The following SLX4 variants were observed in gnomAD, a reference collection of about 807,000 sequenced individuals.
The protein encoded by SLX4 is structure-specific endonuclease subunit SLX4.
In SLX4, 112 loss-of-function variants were observed where a neutral mutation model predicts 146.2. The ratio of observed to expected loss-of-function variants is 0.77; its 90% CI spans 0.66 to 0.90. SLX4 has a LOEUF of 0.90. Among genes scored for constraint, SLX4 ranks in the 40% least tolerant of loss-of-function variants. SLX4 has a pLI of 0.00. For synonymous variants in SLX4, 1,061 were observed against 997.7 expected, an observed-to-expected ratio of 1.06 and a Z score of -1.20; for missense variants, 2,563 against 2,392.7, an observed-to-expected ratio of 1.07 and a Z score of -1.49.
rs540634044 is a variant in SLX4, at chr16:3,583,303, T to C, written c.4947A>G (p.Thr1649=). 15 of 1,614,160 alleles carry C rather than the reference T, an allele frequency of 9.3e-6. No individual in the cohort carries two copies. Among genetic ancestry groups the C allele is most frequent in the South Asian group, 4.4e-5 (4 of 91,084 alleles). Residue 1649 remains threonine (T), a synonymous_variant, in exon 14 of 15, where the codon ACA becomes ACG. Transcript: ENST00000294008. ...AGVHAQQEAT[T]GPGAHRPKGP... ...CCTTGGGCCTATGGGCCCCAGGTCC[T>C]GTGGTGGCCTCCTGCTGGGCATGGA...
At chr16:3,602,016 G>T in intron 4 of SLX4, 102 bp downstream of exon 4, 1 of 1,348,150 alleles carries the variant, frequency 7.4e-7, no homozygotes, top group Non-Finnish European at 1.1e-6. Context: ...AAGCTGAGGT[G>T]CTGTTGTCAT....
Position 3,582,713 on chromosome 16 carries a change from G to A in SLX4, c.5154-20C>T. 3 of 1,600,986 alleles carry A rather than the reference G, an allele frequency of 1.9e-6. No individual in the cohort carries two copies. The highest frequency in any genetic ancestry group is 2.6e-6 in the Non-Finnish European group (3 of 1,174,290). ...GAAGAACTGAAAAGAGCCAGACCAGGACGTTGTGCAACCCCTTTCTCTCCA... is the reference window on the plus strand; with the variant it reads ...GAAGAACTGAAAAGAGCCAGACCAGAACGTTGTGCAACCCCTTTCTCTCCA... On this transcript the variant is annotated intron_variant, in intron 14 of 14. Transcript: ENST00000294008.
intron 3 of SLX4, among the ~76,000 whole-genome samples, chr16:3,603,335 C>T (rs895101551): frequency 2.0e-5 from 3 of 152,234 alleles, no homozygotes; most frequent in Admixed American, 6.5e-5. Flanking sequence ...TGAGCCACCG[C>T]GTCCAGCCTG....
intron 12 of SLX4, among the ~76,000 whole-genome samples, chr16:3,587,757 G>A (rs887117020): frequency 3.9e-5 from 6 of 152,180 alleles, no homozygotes; most frequent in African/African-American, 1.4e-4. Flanking sequence ...AAGCTCTCCA[G>A]GTGTTTCTGA....
intron 12 of SLX4, among the ~76,000 whole-genome samples, chr16:3,586,543 G>A (rs1169657707): frequency 3.9e-5 from 6 of 152,124 alleles, no homozygotes; most frequent in African/African-American, 1.4e-4. Context: ...AGGCACAGTG[G>A]CTCAGGCTTG....
intron 3 of SLX4, among the ~76,000 whole-genome samples, chr16:3,604,924 A>AT (rs544664658): frequency 0.021 from 2,829 of 133,862 alleles, 36 homozygotes; most frequent in Non-Finnish European, 0.025. Context: ...ATTCATTGTA[A>AT]TTTTTTTTTT....
In SLX4 at chr16:3,582,180, G is replaced by C. The variant is rs1031670484; in HGVS notation, c.*162C>G. 1.6e-6 allele frequency: 1 copy of C among 632,584 alleles called. No individual in the cohort carries two copies. The highest frequency in any genetic ancestry group is 2.8e-6 in the Non-Finnish European group (1 of 360,992). 39.2% of individuals were successfully genotyped at this position (632,584 alleles called of 1,614,324 possible). On this transcript the variant is annotated 3_prime_UTR_variant, in exon 15 of 15. Coordinates refer to ENST00000294008, the MANE Select transcript of SLX4 (RefSeq NM_032444.4). ...AGCAGAGCCCAGAGGAGGAAGCCCT[G>C]GATTGGGCTGTGGTCATCATCACAG...
intron 11 of SLX4, among the ~76,000 whole-genome samples, chr16:3,592,102 G>C (rs1176111871): frequency 6.6e-6 from 1 of 152,268 alleles, no homozygotes; most frequent in Admixed American, 6.5e-5. Flanking sequence ...CTGCTTGAAG[G>C]CTCTGTGGCC....
chr16:3,600,759 C>G (rs1567175410), intron 5 of SLX4: 2 of 512,338 alleles, frequency 3.9e-6, no homozygotes, highest in Non-Finnish European at 7.0e-6. Context: ...TGCCACCATG[C>G]TAATTTTTGT....
At chr16:3,602,801 G>A (rs1242184746) in intron 3 of SLX4, among the ~76,000 whole-genome samples, 2 of 152,148 alleles carry the variant, frequency 1.3e-5, no homozygotes, top group African/African-American at 2.4e-5. Context: ...TAAAACCAGG[G>A]CAGAGTGAAA....
rs375172024 is a variant in SLX4, at chr16:3,589,688, G to A, written c.3950C>T (p.Pro1317Leu). 52 of 1,613,812 alleles carry A rather than the reference G, an allele frequency of 3.2e-5. No homozygotes were observed. The highest frequency in any genetic ancestry group is 4.0e-5 in the African/African-American group (3 of 74,926). Residue 1317 changes from proline to leucine, a missense_variant, in exon 12 of 15, where the codon CCG becomes CTG. Coordinates refer to ENST00000294008, the MANE Select transcript of SLX4 (RefSeq NM_032444.4). The surrounding 1 kb of genome is among the most constrained non-coding windows in gnomAD (Gnocchi z 6.2). ...GAGGCATGAGGACGGTGTCTGGGGC[G>A]GTGGTGTCTGGGGCCTGATGACAGA... ...KFSVIRPQTP[P>L]PQTPSSCLTP...
At chr16:3,604,418 C>G (rs1258665843) in intron 3 of SLX4, among the ~76,000 whole-genome samples, 1 of 152,088 alleles carries the variant, frequency 6.6e-6, no homozygotes. Flanking sequence ...AACTGGACGC[C>G]AGGCACTATT....
intron 5 of SLX4, among the ~76,000 whole-genome samples, chr16:3,600,149 T>C (rs917189050): frequency 1.3e-5 from 2 of 152,178 alleles, no homozygotes; most frequent in South Asian, 4.1e-4. Context: ...GGCTTTAGAT[T>C]TTCATAAGGA....
chr16:3,596,346 T>TG lies in SLX4; in HGVS notation c.1730dup (p.Glu578ArgfsTer103). On this transcript the variant is annotated frameshift_variant, in exon 8 of 15. Coordinates refer to ENST00000294008, the MANE Select transcript of SLX4 (RefSeq NM_032444.4). LOFTEE classifies it high-confidence loss of function. Reference sequence around the variant, plus strand: ...CGGGTGACCTTCGCTCGCTCAGCTCTGAGTGCTCAGGTGGCACCAGAGGCG... The same window carrying TG: ...CGGGTGACCTTCGCTCGCTCAGCTCTGGAGTGCTCAGGTGGCACCAGAGGCG... The TG allele has an allele frequency of 6.3e-7, 1 of 1,597,278 alleles. No individual in the cohort carries two copies. Among genetic ancestry groups the TG allele is most frequent in the Non-Finnish European group, 8.5e-7 (1 of 1,172,374 alleles).
chr16:3,598,085 G>A, intron 5 of SLX4, 86 bp from the exon 6 acceptor site: 1 of 1,519,082 alleles, frequency 6.6e-7, no homozygotes, highest in Non-Finnish European at 9.1e-7. Flanking sequence ...AGAGGGCTGG[G>A]CCTGAGAGAA....
chr16:3,588,908 G>T (rs960046501), intron 12 of SLX4, 94 bp downstream of exon 12: 2 of 1,518,502 alleles, frequency 1.3e-6, no homozygotes, highest in African/African-American at 1.4e-5. Context: ...GCATTCAGAG[G>T]GCAGCCCCTG....
rs771327982 is a variant in SLX4, at chr16:3,589,132, C to T, written c.4506G>A (p.Arg1502=). The change falls in exon 12 of 15, where the codon AGG becomes AGA. Residue 1502 remains arginine, a synonymous_variant. Transcript: ENST00000294008. The surrounding 1 kb of genome is among the most constrained non-coding windows in gnomAD (Gnocchi z 6.2). ...SSGAGSLGNS[R]PSFLNSALWD... is the part of the protein sequence containing the mutation. ...ACAGAGCCGAATTCAGAAAGCTCGG[C>T]CTGCTATTCCCCAGGGAGCCCGCGC... The T allele has an allele frequency of 1.2e-6, 2 of 1,614,112 alleles. No individual in the cohort carries two copies. Among genetic ancestry groups the T allele is most frequent in the Non-Finnish European group, 1.7e-6 (2 of 1,179,990 alleles).
rs1304579257 is a variant in SLX4, at chr16:3,608,897, C to T, written c.68G>A (p.Cys23Tyr). The stretch of plus-strand genomic sequence containing the variant: ...AGAGGAGCGAGGGTCAATCCCAGGA[C>T]AGGCAGACAGATGAGAAAGTGAACC... ...YLGSLSHLSA[C>Y]PGIDPRSSED... Residue 23 changes from cysteine (C) to tyrosine (Y), a missense_variant, in exon 2 of 15, where the codon TGT (cysteine) becomes TAT (tyrosine). Physicochemically the swap from Cys to Tyr is radical, Grantham distance 194. Coordinates refer to ENST00000294008, the MANE Select transcript of SLX4 (RefSeq NM_032444.4). The T allele has an allele frequency of 3.7e-6, 6 of 1,614,072 alleles. No individual in the cohort carries two copies. The highest frequency in any genetic ancestry group is 1.7e-5 in the Admixed American group (1 of 60,000).
rs1255116355 is a variant in SLX4 at position 3,601,002 on chromosome 16, A to G, written c.1140T>C (p.Gly380=). The change falls in exon 5 of 15, where the codon GGT becomes GGC. Residue 380 remains glycine (G), a synonymous_variant. Coordinates refer to ENST00000294008, the MANE Select transcript of SLX4 (RefSeq NM_032444.4). Reference sequence around the variant, plus strand: ...ACCTGAACATGGGTGGGCTGCTGCTACCCTCAGGCTGTGCTGTCTGCAGCC... The same window carrying G: ...ACCTGAACATGGGTGGGCTGCTGCTGCCCTCAGGCTGTGCTGTCTGCAGCC... ...AVRLQTAQPE[G]SSSPPMFSFS... is the part of the protein sequence containing the mutation. The G allele has an allele frequency of 1.2e-6, 2 of 1,613,714 alleles. No individual in the cohort carries two copies. Among genetic ancestry groups the G allele is most frequent in the Non-Finnish European group, 1.7e-6 (2 of 1,180,010 alleles).
Sources: allele counts gnomAD v4.1 joint callset (sites outside exome capture counted in the v4.1 genomes callset), GRCh38; gene constraint gnomAD v4.1.1; non-coding constraint Gnocchi (gnomAD v3.1); transcripts MANE v1.5; gene names NCBI Gene and HGNC (gene_info 2026-07-23, HGNC 2026-07-21).